Variants in FAF1 observed in about 807,000 individuals in gnomAD.
The protein encoded by FAF1 is Fas associated factor 1, also known as FAS-associated factor 1.
A neutral mutation model predicts 92.5 loss-of-function variants in FAF1; 25 were observed. The ratio of observed to expected loss-of-function variants is 0.27; its 90% CI spans 0.20 to 0.38. The LOEUF is 0.38. Ranked by LOEUF, FAF1 falls within the 10% of genes least tolerant of loss-of-function variation. The pLI is 1.00. For missense variants in FAF1, 636 were observed against 793.3 expected (o/e 0.80, Z 2.38); for synonymous variants, 234 against 273.2 (o/e 0.86, Z 1.42).
chr1:50,802,152 G>A (rs1207724481), intron 2 of FAF1, among the ~76,000 whole-genome samples: 1 of 151,510 alleles, frequency 6.6e-6, no homozygotes, highest in Non-Finnish European at 1.5e-5. Flanking sequence ...GTGCAATGGT[G>A]CAATCTCAAC....
chr1:50,787,693 T>C (rs1661412259), intron 4 of FAF1, among the ~76,000 whole-genome samples: 1 of 152,186 alleles, frequency 6.6e-6, no homozygotes, highest in African/African-American at 2.4e-5. Flanking sequence ...AGTTGTAAAG[T>C]GTGATATGCA....
chr1:50,601,757 CATAT>C (rs1652147060), intron 8 of FAF1, among the ~76,000 whole-genome samples: 2 of 151,286 alleles, frequency 1.3e-5, no homozygotes, highest in African/African-American at 2.4e-5. Flanking sequence ...CATATATACA[CATAT>C]ATATTCATAT....
chr1:50,850,690 A>G (rs923748376), intron 2 of FAF1, among the ~76,000 whole-genome samples: 1 of 152,138 alleles, frequency 6.6e-6, no homozygotes, highest in Non-Finnish European at 1.5e-5. Context: ...TATAAGTAGG[A>G]AACAGAAATT....
intron 4 of FAF1, among the ~76,000 whole-genome samples, chr1:50,772,887 AT>A (rs1660823139): frequency 6.6e-6 from 1 of 152,230 alleles, no homozygotes; most frequent in African/African-American, 2.4e-5. Context: ...TTAGACACCC[AT>A]TAACATCTAA....
chr1:50,519,361 AAGGAAGGAAGGAGGGAGGGAGGGAGGG>A (rs1647372745), intron 15 of FAF1, among the ~76,000 whole-genome samples: 1 of 109,526 alleles, frequency 9.1e-6, no homozygotes, highest in African/African-American at 3.6e-5. Context: ...GGAAGGAAGG[AAGGAAGGAAGGAGGGAGGGAGGGAGGG>A]AGGGAGGGAA....
intron 15 of FAF1, among the ~76,000 whole-genome samples, chr1:50,525,768 G>GCCA (rs1647761089): frequency 6.6e-6 from 1 of 152,024 alleles, no homozygotes; most frequent in Non-Finnish European, 1.5e-5. Flanking sequence ...AAAGGGTGTG[G>GCCA]ATTTTGGCCA....
intron 15 of FAF1, among the ~76,000 whole-genome samples, chr1:50,508,825 T>G (rs1325793436): frequency 1.3e-5 from 2 of 152,196 alleles, no homozygotes; most frequent in Admixed American, 1.3e-4. Context: ...CCTCAGCTCC[T>G]GAGTAGCAGG....
chr1:50,659,105 T>C (rs567522308), intron 7 of FAF1, among the ~76,000 whole-genome samples: 55 of 152,234 alleles, frequency 3.6e-4, no homozygotes, highest in African/African-American at 1.2e-3. Context: ...CTGAAAAAAG[T>C]TAGTATTCTA....
At chr1:50,782,983 G>GT (rs200610125) in intron 4 of FAF1, among the ~76,000 whole-genome samples, 10 of 151,204 alleles carry the variant, frequency 6.6e-5, no homozygotes, top group East Asian at 1.9e-4. Flanking sequence ...AATACTGAGT[G>GT]TTTTTTTTAA....
Position 50,742,064 on chromosome 1 carries a change from T to C in FAF1, c.459+2620A>G, listed in dbSNP as rs1659407860. Among the ~76,000 whole-genome samples the C allele has an allele frequency of 2.6e-5, 4 of 152,010 alleles. No homozygotes were observed. The South Asian group carries it at 8.3e-4, about 32-fold the overall frequency. ...TGGCTCATGCCTGTAATCTCAGCAC[T>C]TTGGGAGGCCAAGGCAGGAGGACTG... On this transcript the variant is annotated intron_variant, in intron 5 of 18. Coordinates refer to ENST00000396153, the MANE Select transcript of FAF1 (RefSeq NM_007051.3).
At chr1:50,937,168 G>A (rs988389153) in intron 1 of FAF1, among the ~76,000 whole-genome samples, 2 of 151,940 alleles carry the variant, frequency 1.3e-5, no homozygotes, top group African/African-American at 2.4e-5. Flanking sequence ...AAATTTTAAG[G>A]TATTACTATT....
At chr1:50,504,818 G>GTAC (rs1647040121) in intron 15 of FAF1, among the ~76,000 whole-genome samples, 2 of 152,180 alleles carry the variant, frequency 1.3e-5, no homozygotes, top group African/African-American at 4.8e-5. Context: ...AATAGAAATA[G>GTAC]TACTTAGAAC....
chr1:50,839,966 G>T (rs1014971117), intron 2 of FAF1, among the ~76,000 whole-genome samples: 1 of 151,946 alleles, frequency 6.6e-6, no homozygotes, highest in African/African-American at 2.4e-5. Flanking sequence ...TCTAACTGAT[G>T]TTCAATAAGG....
At chr1:50,792,939 T>C (rs1661615712) in intron 3 of FAF1, among the ~76,000 whole-genome samples, 1 of 152,232 alleles carries the variant, frequency 6.6e-6, no homozygotes, top group African/African-American at 2.4e-5. Context: ...GTACAAGACC[T>C]GCAGAGACCT....
At chr1:50,712,160 G>A (rs1275655288) in intron 6 of FAF1, among the ~76,000 whole-genome samples, 1 of 152,180 alleles carries the variant, frequency 6.6e-6, no homozygotes, top group Non-Finnish European at 1.5e-5. Flanking sequence ...TCTACTGAGG[G>A]ATGGGCAAAG....
At chr1:50,865,936 T>G (rs1644478237) in intron 1 of FAF1, among the ~76,000 whole-genome samples, 1 of 146,762 alleles carries the variant, frequency 6.8e-6, no homozygotes, top group Non-Finnish European at 1.5e-5. Flanking sequence ...CAATTACAAA[T>G]GAAAGGGGAG....
chr1:50,924,930 C>G (rs980412050), intron 1 of FAF1, among the ~76,000 whole-genome samples: 10 of 152,212 alleles, frequency 6.6e-5, no homozygotes, highest in Non-Finnish European at 1.5e-4. Flanking sequence ...CTGCAGTGAG[C>G]TGAGATCGTG....
intron 15 of FAF1, among the ~76,000 whole-genome samples, chr1:50,518,430 C>A (rs1003470305): frequency 6.6e-6 from 1 of 151,704 alleles, no homozygotes; most frequent in South Asian, 2.1e-4. Flanking sequence ...AACACTCATG[C>A]ACAAGTTTCT....
chr1:50,910,001 C>T (rs147980333), intron 1 of FAF1, among the ~76,000 whole-genome samples: 2 of 152,304 alleles, frequency 1.3e-5, no homozygotes, highest in East Asian at 3.9e-4. Flanking sequence ...GGTTTCTCGC[C>T]ATCTTTGTGT....
Sources: allele counts gnomAD v4.1 joint callset (sites outside exome capture counted in the v4.1 genomes callset), GRCh38; gene constraint gnomAD v4.1.1; transcripts MANE v1.5; gene names NCBI Gene and HGNC (gene_info 2026-07-23, HGNC 2026-07-21).